Variants in POGZ observed in about 807,000 individuals in gnomAD.
The protein encoded by POGZ is pogo transposable element derived with ZNF domain.
In POGZ, 17 loss-of-function variants were observed where a neutral mutation model predicts 134.6. That is an observed-to-expected ratio of 0.13 (90% CI 0.09 to 0.19). The LOEUF (loss-of-function observed/expected upper bound fraction) is 0.19. Ranked by LOEUF, POGZ falls within the 10% of genes least tolerant of loss-of-function variation. The pLI is 1.00. For synonymous variants in POGZ, 693 were observed against 657.1 expected (o/e 1.05, Z -0.84); for missense variants, 1,306 against 1,769.7 (o/e 0.74, Z 4.70).
chr1:151,433,564 C>T (rs973560986), intron 3 of POGZ, among the ~76,000 whole-genome samples: 4 of 147,482 alleles, frequency 2.7e-5, no homozygotes, highest in Admixed American at 6.9e-5. Flanking sequence ...GCCGAGATCG[C>T]GCCACTGCAC....
chr1:151,415,171 C>T (rs1050425413), intron 10 of POGZ, among the ~76,000 whole-genome samples: 2 of 152,152 alleles, frequency 1.3e-5, no homozygotes, highest in Admixed American at 6.5e-5. Flanking sequence ...CTTCAATCTT[C>T]CCCAACCCCG....
chr1:151,439,405 T>C (rs1479299502), intron 3 of POGZ, among the ~76,000 whole-genome samples: 1 of 152,138 alleles, frequency 6.6e-6, no homozygotes, highest in Non-Finnish European at 1.5e-5. Flanking sequence ...TCATGGAGGT[T>C]TTAAAGTTTG....
intron 3 of POGZ, among the ~76,000 whole-genome samples, chr1:151,432,147 C>T (rs909747255): frequency 3.3e-5 from 5 of 152,002 alleles, no homozygotes; most frequent in African/African-American, 9.7e-5. Flanking sequence ...CCAGCCTGGG[C>T]GACAGAGCAA....
intron 1 of POGZ, among the ~76,000 whole-genome samples, chr1:151,455,483 A>C (rs1221115528): frequency 6.6e-6 from 1 of 152,230 alleles, no homozygotes; most frequent in East Asian, 1.9e-4. Context: ...GACTGACTGA[A>C]TGATTCTCAT....
chr1:151,436,540 T>G (rs1659622506), intron 3 of POGZ, among the ~76,000 whole-genome samples: 1 of 152,076 alleles, frequency 6.6e-6, no homozygotes, highest in Non-Finnish European at 1.5e-5. Flanking sequence ...GCCTCCCGAG[T>G]GCAAACGATT....
intron 1 of POGZ, among the ~76,000 whole-genome samples, chr1:151,457,028 T>C (rs1349518892): frequency 6.6e-6 from 1 of 152,166 alleles, no homozygotes; most frequent in African/African-American, 2.4e-5. Flanking sequence ...AAACAATAAA[T>C]AGCATCTTAC....
At chr1:151,442,337 T>C (rs1660664040) in intron 1 of POGZ, 132 bp from the exon 2 acceptor site, 2 of 565,266 alleles carry the variant, frequency 3.5e-6, no homozygotes, top group Non-Finnish European at 5.9e-6. Flanking sequence ...TCCTCTAGCC[T>C]TCCTCCATTT....
Position 151,423,526 on chromosome 1 carries a change from C to A in POGZ, c.1549G>T (p.Val517Leu). ...IRFMNHMKHHVELDQQNGEVD... is the reference protein window; with the variant it reads ...IRFMNHMKHHLELDQQNGEVD... ...TCACCGTTCTGCTGATCGAGTTCTA[C>A]GTGGTGTTTCATATGGTTCATGAAT... The change falls in exon 10 of 19, where the codon GTA becomes TTA. Residue 517 changes from valine (V) to leucine (L), a missense_variant. By Grantham distance (32) the Val-to-Leu change is conservative. Coordinates refer to ENST00000271715, the MANE Select transcript of POGZ (RefSeq NM_015100.4). 6.2e-7 allele frequency: 1 copy of A among 1,613,662 alleles called. No individual in the cohort carries two copies. Among genetic ancestry groups the A allele is most frequent in the Non-Finnish European group, 8.5e-7 (1 of 1,179,696 alleles).
intron 1 of POGZ, among the ~76,000 whole-genome samples, chr1:151,448,681 G>C (rs1030653511): frequency 1.3e-5 from 2 of 151,930 alleles, no homozygotes; most frequent in African/African-American, 4.8e-5. Flanking sequence ...GGGCAACTTG[G>C]TGAAATCTCA....
rs558107233 is a variant in POGZ, at chr1:151,409,140, C to T, written c.1927-312G>A. Among the ~76,000 whole-genome samples the T allele has an allele frequency of 3.3e-5, 5 of 152,284 alleles. No homozygotes were observed. The South Asian group carries it at 1.0e-3, about 32-fold the overall frequency. On this transcript the variant is annotated intron_variant, in intron 12 of 18. Transcript: ENST00000271715. ...TTATTTGTATTATATCTTTACACTGCTGACAACTGGACATTCTTCTGGACA... is the reference window on the plus strand; with the variant it reads ...TTATTTGTATTATATCTTTACACTGTTGACAACTGGACATTCTTCTGGACA...
At chr1:151,406,775 G>A (rs2102154038) in intron 17 of POGZ, 136 bp downstream of exon 17, 1 of 969,396 alleles carries the variant, frequency 1.0e-6, no homozygotes, top group Non-Finnish European at 1.6e-6. Context: ...CTTCAGGTCG[G>A]AAGGTTTCTA....
Position 151,404,359 on chromosome 1 carries a change from G to A in POGZ, c.*443C>T. ...AATGTTCTCACATTAACAATGATTA[G>A]ATAGCATCATGCCCAAAGACATTGG... is the stretch of plus-strand genomic sequence containing the variant. On this transcript the variant is annotated 3_prime_UTR_variant, in exon 19 of 19. Transcript: ENST00000271715. 1 of 986,290 alleles carries A rather than the reference G, an allele frequency of 1.0e-6. No homozygotes were observed. Among genetic ancestry groups the A allele is most frequent in the Non-Finnish European group, 1.2e-6 (1 of 829,862 alleles). 61.1% of individuals were successfully genotyped at this position (986,290 alleles called of 1,614,324 possible).
chr1:151,418,521 C>G (rs1656198583), intron 10 of POGZ, among the ~76,000 whole-genome samples: 1 of 152,090 alleles, frequency 6.6e-6, no homozygotes, highest in African/African-American at 2.4e-5. Context: ...CCTAGTAGAT[C>G]AGTAGGGTGA....
intron 10 of POGZ, among the ~76,000 whole-genome samples, chr1:151,413,434 G>GT (rs1200302268): frequency 1.3e-5 from 2 of 151,908 alleles, no homozygotes; most frequent in Non-Finnish European, 1.5e-5. Flanking sequence ...GCCAATTTTG[G>GT]TAAGACTTTT....
At chr1:151,437,990 C>T (rs1046783704) in intron 3 of POGZ, among the ~76,000 whole-genome samples, 2 of 152,038 alleles carry the variant, frequency 1.3e-5, no homozygotes, top group African/African-American at 4.8e-5. Flanking sequence ...GGGCAAATCA[C>T]CTGAGGTCAG....
intron 3 of POGZ, among the ~76,000 whole-genome samples, chr1:151,432,184 GCAA>G (rs769554166): frequency 2.0e-5 from 3 of 151,838 alleles, no homozygotes; most frequent in Admixed American, 6.6e-5. Context: ...AACAACAACA[GCAA>G]CAACAACAAG....
At chr1:151,422,370 G>A (rs909388404) in intron 10 of POGZ, among the ~76,000 whole-genome samples, 2 of 152,028 alleles carry the variant, frequency 1.3e-5, no homozygotes, top group Non-Finnish European at 2.9e-5. Flanking sequence ...TGGAAATCCC[G>A]TAAAGGACAT....
At chr1:151,457,459 C>T (rs1176861753) in intron 1 of POGZ, among the ~76,000 whole-genome samples, 1 of 152,172 alleles carries the variant, frequency 6.6e-6, no homozygotes, top group African/African-American at 2.4e-5. Context: ...GTTTAACCAC[C>T]TTCAAGTTAC....
chr1:151,449,985 G>A (rs1019504770), intron 1 of POGZ, among the ~76,000 whole-genome samples: 1 of 145,968 alleles, frequency 6.9e-6, no homozygotes, highest in African/African-American at 2.5e-5. Flanking sequence ...TATATATCTA[G>A]TCTGTTTCAT....
Sources: gnomAD v4.1 joint callset for allele counts (sites outside exome capture counted in the v4.1 genomes callset) on GRCh38, gnomAD v4.1.1 for gene constraint, MANE v1.5 for transcripts, NCBI Gene and HGNC (gene_info 2026-07-23, HGNC 2026-07-21) for gene names.